Variants in GALK2 observed in about 807,000 individuals in gnomAD.
The protein encoded by GALK2 is N-acetylgalactosamine kinase.
A neutral mutation model predicts 52.4 loss-of-function variants in GALK2; 36 were observed. That is an observed-to-expected ratio of 0.69 (90% CI 0.53 to 0.91). The LOEUF (loss-of-function observed/expected upper bound fraction) is 0.91. Ranked by LOEUF, GALK2 falls within the 40% of genes least tolerant of loss-of-function variation. The pLI is 0.00. For missense variants in GALK2, 579 were observed against 559.1 expected, an observed-to-expected ratio of 1.04 and a Z score of -0.36; for synonymous variants, 176 against 199.1, an observed-to-expected ratio of 0.88 and a Z score of 0.98.
intron 5 of GALK2, among the ~76,000 whole-genome samples, chr15:49,271,168 T>C (rs1353400894): frequency 8.5e-5 from 13 of 152,202 alleles, no homozygotes; most frequent in Admixed American, 8.5e-4. Flanking sequence ...GACACCAGCC[T>C]TTACCACAGG....
intron 3 of GALK2, among the ~76,000 whole-genome samples, chr15:49,340,403 G>GCCCCCCCCCCCCCCCCCCCCC (rs373386438): frequency 3.2e-5 from 3 of 94,380 alleles, no homozygotes; most frequent in African/African-American, 3.9e-5. Context: ...GCAGTGCCCC[G>GCCCCCCCCCCCCCCCCCCCCC]CCCCCCCCCT....
chr15:49,155,996 C>T, exon 1 of GALK2: 1 of 1,614,210 alleles, frequency 6.2e-7, no homozygotes, highest in South Asian at 1.1e-5. Flanking sequence ...AAAAGGCTGA[C>T]ATGCCCGTCC....
intron 7 of GALK2, among the ~76,000 whole-genome samples, chr15:49,284,349 G>A (rs991629096): frequency 1.3e-5 from 2 of 152,200 alleles, no homozygotes; most frequent in African/African-American, 4.8e-5. Context: ...GTGGACAGTA[G>A]AGTTAAGAGT....
chr15:49,177,604 G>T, intron 1 of GALK2: 1 of 184,212 alleles, frequency 5.4e-6, no homozygotes, highest in Non-Finnish European at 1.1e-5. Context: ...ACTTACATTA[G>T]TGGTAACGGT....
At chr15:49,339,193 T>G (rs1437032612) in intron 3 of GALK2, among the ~76,000 whole-genome samples, 1 of 152,196 alleles carries the variant, frequency 6.6e-6, no homozygotes. Flanking sequence ...GTTGTGATTC[T>G]TTAGCAGAGA....
At position 49,325,500 on chromosome 15, in the gene GALK2, C is replaced by T. The variant is rs1021815671; in HGVS notation, c.1170-2452C>T. Reference sequence around the variant, plus strand: ...TTCTTTCTTAATTTAAAGGGTATATCGGTCTCCTAACTTTCGGTCTTCTCA... The same window carrying T: ...TTCTTTCTTAATTTAAAGGGTATATTGGTCTCCTAACTTTCGGTCTTCTCA... On this transcript the variant is annotated intron_variant, in intron 9 of 9. Transcript: ENST00000560031. Among the ~76,000 whole-genome samples the T allele has an allele frequency of 3.9e-5, 6 of 152,330 alleles. 1 individual carries two copies. The highest frequency in any genetic ancestry group is 1.4e-4 in the African/African-American group (6 of 41,570).
chr15:49,273,002 T>G (rs1390998068), intron 5 of GALK2, among the ~76,000 whole-genome samples: 3 of 152,206 alleles, frequency 2.0e-5, no homozygotes, highest in African/African-American at 7.2e-5. Flanking sequence ...TGAGATATTT[T>G]TAGAGCCCCA....
intron 1 of GALK2, among the ~76,000 whole-genome samples, chr15:49,197,719 A>C (rs930665907): frequency 2.0e-5 from 3 of 152,180 alleles, no homozygotes; most frequent in Non-Finnish European, 2.9e-5. Flanking sequence ...TGAATTAGGA[A>C]TGCTCAACCT....
At chr15:49,192,503 A>ATATATATATATG (rs1566921843) in intron 1 of GALK2, among the ~76,000 whole-genome samples, 30 of 135,706 alleles carry the variant, frequency 2.2e-4, no homozygotes, top group Non-Finnish European at 3.8e-4. Flanking sequence ...ATATATATAT[A>ATATATATATATG]TATATATATA....
At chr15:49,234,124 G>A (rs975127071) in intron 3 of GALK2, among the ~76,000 whole-genome samples, 2 of 152,076 alleles carry the variant, frequency 1.3e-5, no homozygotes, top group East Asian at 1.9e-4. Context: ...GTCAATATGG[G>A]GAATTTTGCT....
rs1412400742 is a variant in GALK2 at position 49,217,287 on chromosome 15, A to G, written c.240A>G (p.Gln80=). 9 of 1,613,880 alleles carry G rather than the reference A, an allele frequency of 5.6e-6. No homozygotes were observed. The highest frequency in any genetic ancestry group is 2.7e-5 in the African/African-American group (2 of 74,940). Residue 80 remains glutamine (Q), a synonymous_variant, in exon 3 of 10, where the codon CAA becomes CAG. Transcript: ENST00000560031. ...AACCTGTGAAAACGTACGCTCTCCA[A>G]CTGGCCAATACAAATCCCTTGTATC... is the stretch of plus-strand genomic sequence containing the variant. ...AVEPVKTYAL[Q]LANTNPLYPD... is the part of the protein sequence containing the mutation.
rs556077398 is a variant in GALK2 at position 49,330,792 on chromosome 15, T to TA, written c.*2639dup. 97 of 150,438 alleles carry TA rather than the reference T, an allele frequency of 6.4e-4. 1 individual carries two copies. Among genetic ancestry groups the TA allele is most frequent in the African/African-American group, 2.3e-3 (96 of 40,990 alleles). 9.3% of individuals were successfully genotyped at this position (150,438 alleles called of 1,614,324 possible). ...GAATGAATATTTTTGTGTGTGGATG[T>TA]AAAAAATAGTCCTTAGCTGGGAGTG... is the stretch of plus-strand genomic sequence containing the variant. On this transcript the variant is annotated 3_prime_UTR_variant, in exon 10 of 10. Coordinates refer to ENST00000560031, the MANE Select transcript of GALK2 (RefSeq NM_002044.4).
In GALK2 at chr15:49,329,609, T is replaced by C; in HGVS notation, c.*1450T>C. 1.0e-6 allele frequency: 1 copy of C among 984,768 alleles called. No homozygotes were observed. Among genetic ancestry groups the C allele is most frequent in the Non-Finnish European group, 1.2e-6 (1 of 829,312 alleles). The allele number at this position is 984,768 out of a possible 1,614,324, so 61.0% of individuals were successfully genotyped here. On this transcript the variant is annotated 3_prime_UTR_variant, in exon 10 of 10. Coordinates refer to ENST00000560031, the MANE Select transcript of GALK2 (RefSeq NM_002044.4). ...TATTTAAAAATAAACTTCTGATGCA[T>C]TTTCATTCTTAGCAGAAAGGTAAAT...
chr15:49,170,337 C>T lies in GALK2; in HGVS notation c.15C>T (p.Ser5=). The stretch of plus-strand genomic sequence containing the variant: ...TCTAGCGAAATATGGCTACAGAGAG[C>T]CCTGCTACGCGTCGGGTCCAGGTGG... The part of the protein sequence containing the change: MATE[S]PATRRVQVAE... The change falls in exon 1 of 10, where the codon AGC becomes AGT. Residue 5 remains serine (S), a synonymous_variant. Coordinates refer to ENST00000560031, the MANE Select transcript of GALK2 (RefSeq NM_002044.4). The T allele has an allele frequency of 1.3e-6, 2 of 1,590,798 alleles. No individual in the cohort carries two copies. Among genetic ancestry groups the T allele is most frequent in the Non-Finnish European group, 1.7e-6 (2 of 1,168,824 alleles).
At chr15:49,286,710 T>C (rs1246603717) in intron 7 of GALK2, among the ~76,000 whole-genome samples, 2 of 152,190 alleles carry the variant, frequency 1.3e-5, no homozygotes, top group African/African-American at 4.8e-5. Context: ...CTGTAAACTT[T>C]TTAATATCAA....
At chr15:49,183,938 T>G (rs769650377) in intron 1 of GALK2, among the ~76,000 whole-genome samples, 3 of 152,182 alleles carry the variant, frequency 2.0e-5, no homozygotes, top group Non-Finnish European at 2.9e-5. Context: ...ATGTGTATTC[T>G]GCCACCGTTG....
intron 2 of GALK2, among the ~76,000 whole-genome samples, chr15:49,205,872 G>A (rs1013563673): frequency 2.8e-4 from 42 of 152,164 alleles, no homozygotes; most frequent in African/African-American, 9.6e-4. Flanking sequence ...CATATCTTAG[G>A]TTTAAGTCCT....
At chr15:49,306,957 G>A (rs1485657466) in intron 8 of GALK2, among the ~76,000 whole-genome samples, 1 of 152,220 alleles carries the variant, frequency 6.6e-6, no homozygotes, top group Non-Finnish European at 1.5e-5. Flanking sequence ...TAGGTTCCAA[G>A]GGGGCTATAA....
intron 3 of GALK2, among the ~76,000 whole-genome samples, chr15:49,345,220 TTA>T (rs1025694630): frequency 1.3e-5 from 2 of 152,224 alleles, no homozygotes; most frequent in African/African-American, 2.4e-5. Context: ...AAATCAAGAA[TTA>T]TGTTTTATTT....
Sources: allele counts gnomAD v4.1 joint callset (sites outside exome capture counted in the v4.1 genomes callset), GRCh38; gene constraint gnomAD v4.1.1; transcripts MANE v1.5; gene names NCBI Gene and HGNC (gene_info 2026-07-23, HGNC 2026-07-21).